TSHZ2: variants seen among roughly 807,000 people sequenced by gnomAD.
The protein encoded by TSHZ2 is teashirt zinc finger homeobox 2.
Under a neutral mutation model 74.4 loss-of-function variants are expected in TSHZ2, and 21 were observed. That is an observed-to-expected ratio of 0.28 (90% confidence interval 0.20 to 0.41). The LOEUF is 0.41. TSHZ2 is among the 10% of genes least tolerant of loss of function. TSHZ2 has a pLI of 1.00. For synonymous variants in TSHZ2, 540 were observed against 515.3 expected, an observed-to-expected ratio of 1.05 and a Z score of -0.65; for missense variants, 1,244 against 1,293.5, an observed-to-expected ratio of 0.96 and a Z score of 0.59.
At chr20:53,178,902 C>A (rs915079102) in intron 1 of TSHZ2, 6 of 152,192 alleles carry the variant, frequency 3.9e-5, no homozygotes, top group Non-Finnish European at 8.8e-5. Flanking sequence ...ATCACATGTA[C>A]TCTTTGAAGT....
chr20:53,350,926 T>C (rs1026054866), intron 2 of TSHZ2, among the ~76,000 whole-genome samples: 5 of 152,210 alleles, frequency 3.3e-5, no homozygotes, highest in Admixed American at 1.3e-4. Flanking sequence ...TCTTTTTCAT[T>C]AGAATAGTTC....
intron 1 of TSHZ2, among the ~76,000 whole-genome samples, chr20:53,238,222 T>C (rs527737938): frequency 4.5e-4 from 68 of 152,308 alleles, no homozygotes; most frequent in African/African-American, 1.5e-3. Context: ...ATTCAAAGTA[T>C]GTATTGAGCA....
At chr20:53,006,700 C>T (rs1166726565) in intron 1 of TSHZ2, among the ~76,000 whole-genome samples, 1 of 152,144 alleles carries the variant, frequency 6.6e-6, no homozygotes, top group South Asian at 2.1e-4. Context: ...ATGTAAACTG[C>T]CATTTTATAA....
intron 2 of TSHZ2, among the ~76,000 whole-genome samples, chr20:53,473,942 A>G (rs1302542271): frequency 1.3e-5 from 2 of 152,172 alleles, no homozygotes; most frequent in African/African-American, 2.4e-5. Flanking sequence ...TGAAGCGAGA[A>G]GAGAAGTTTA....
At chr20:53,201,738 C>G (rs942513871) in intron 1 of TSHZ2, among the ~76,000 whole-genome samples, 5 of 152,078 alleles carry the variant, frequency 3.3e-5, no homozygotes, top group African/African-American at 1.2e-4. Flanking sequence ...GATCCACACC[C>G]TTTTTTGCTG....
Position 53,488,331 on chromosome 20 carries a change from A to C in TSHZ2, c.*1196A>C, listed in dbSNP as rs1986349258. On this transcript the variant is annotated 3_prime_UTR_variant, in exon 3 of 3. Transcript: ENST00000371497. ...TTATGGATTTTTAACGGATGTCTTA[A>C]TTATACGTTATTATTAACGGGAATA... 1 of 152,206 alleles carries C rather than the reference A, an allele frequency of 6.6e-6. No individual in the cohort carries two copies. Among genetic ancestry groups the C allele is most frequent in the Non-Finnish European group, 1.5e-5 (1 of 68,018 alleles). The allele number at this position is 152,206 out of a possible 1,614,324, so 9.4% of individuals were successfully genotyped here. A position where few individuals can be genotyped will look rare whatever the true frequency, so the allele number is the denominator to read the frequency against.
At chr20:53,326,567 G>GA (rs1227837705) in intron 2 of TSHZ2, among the ~76,000 whole-genome samples, 2 of 152,140 alleles carry the variant, frequency 1.3e-5, no homozygotes, top group African/African-American at 4.8e-5. Flanking sequence ...AGCGCCTCTA[G>GA]AAAGCCCCCC....
At chr20:53,364,267 T>C (rs1981175823) in intron 2 of TSHZ2, among the ~76,000 whole-genome samples, 1 of 152,226 alleles carries the variant, frequency 6.6e-6, no homozygotes, top group South Asian at 2.1e-4. Flanking sequence ...GCAGGTATTC[T>C]CATTTTCCAG....
chr20:53,468,026 C>A (rs1985613669), intron 2 of TSHZ2, among the ~76,000 whole-genome samples: 1 of 152,048 alleles, frequency 6.6e-6, no homozygotes, highest in Non-Finnish European at 1.5e-5. Context: ...AAAAATAACA[C>A]CACTCCTTCC....
chr20:53,433,164 G>A (rs904118007), intron 2 of TSHZ2, among the ~76,000 whole-genome samples: 1 of 152,198 alleles, frequency 6.6e-6, no homozygotes, highest in African/African-American at 2.4e-5. Context: ...TTAGCTGCAA[G>A]ATGCTGTGAC....
rs191076114 is a variant in TSHZ2, at chr20:53,170,904, C to A, written c.41-82595C>A. Among the ~76,000 whole-genome samples the A allele has an allele frequency of 9.3e-5, 14 of 150,704 alleles. No homozygotes were observed. The East Asian group carries it at 2.3e-3, about 25-fold the overall frequency. ...AAATCCCCACACCTTTGATGGTGCTCCTCTCAAAAGGAAGGAAAGACAATA... is the reference window on the plus strand; with the variant it reads ...AAATCCCCACACCTTTGATGGTGCTACTCTCAAAAGGAAGGAAAGACAATA... On this transcript the variant is annotated intron_variant, in intron 1 of 2. Transcript: ENST00000371497.
chr20:53,299,443 C>A (rs970877191), intron 2 of TSHZ2, among the ~76,000 whole-genome samples: 2 of 152,134 alleles, frequency 1.3e-5, no homozygotes, highest in African/African-American at 4.8e-5. Flanking sequence ...CCTTGTTTTG[C>A]CCATTTATAA....
At chr20:53,057,607 T>C (rs555019006) in intron 1 of TSHZ2, among the ~76,000 whole-genome samples, 120 of 152,286 alleles carry the variant, frequency 7.9e-4, no homozygotes, top group African/African-American at 2.8e-3. Context: ...TTTGGTCATA[T>C]CCCCAAGGAT....
chr20:53,168,646 G>T (rs1007013439), intron 1 of TSHZ2: 5 of 152,176 alleles, frequency 3.3e-5, no homozygotes, highest in African/African-American at 1.2e-4. Flanking sequence ...ACATCTCAGT[G>T]GCCCAACACA....
Position 53,253,749 on chromosome 20 carries a change from T to C in TSHZ2, c.291T>C (p.Ser97=), listed in dbSNP as rs752083510. The stretch of plus-strand genomic sequence containing the variant: ...GTGATCAGGTGTCGGACATCAAGAG[T>C]GTCTGCGGCAGAGATGCCTCAGACA... ...DASDQVSDIK[S]VCGRDASDKK... The change falls in exon 2 of 3, where the codon AGT becomes AGC. Residue 97 remains serine, a synonymous_variant. Transcript: ENST00000371497. 1 of 1,613,968 alleles carries C rather than the reference T, an allele frequency of 6.2e-7. No homozygotes were observed. The highest frequency in any genetic ancestry group is 1.1e-5 in the South Asian group (1 of 91,072).
At chr20:53,468,380 C>T (rs994639392) in intron 2 of TSHZ2, among the ~76,000 whole-genome samples, 1 of 152,158 alleles carries the variant, frequency 6.6e-6, no homozygotes, top group Non-Finnish European at 1.5e-5. Context: ...AAAAGATTTT[C>T]TGCTGCCATT....
chr20:53,080,096 C>T (rs1482962879), intron 1 of TSHZ2, among the ~76,000 whole-genome samples: 1 of 152,120 alleles, frequency 6.6e-6, no homozygotes, highest in Non-Finnish European at 1.5e-5. Flanking sequence ...TAGAATGATT[C>T]GAATCTTAAA....
chr20:53,461,473 G>A (rs1778004011), intron 2 of TSHZ2: 1 of 153,036 alleles, frequency 6.5e-6, no homozygotes, highest in South Asian at 2.1e-4. Flanking sequence ...CAGTACCTCA[G>A]ATGGAAATGC....
At position 53,346,047 on chromosome 20, in the gene TSHZ2, G is replaced by A. The variant is rs143711473; in HGVS notation, c.*8+89476G>A. 2.3e-4 allele frequency among the ~76,000 whole-genome samples: 35 copies of A among 152,328 alleles called. 2 individuals are homozygous for A. In the East Asian group the frequency reaches 6.8e-3, roughly 29 times the overall value. ...TTGCAGAAAAAGTCAAGGCAGACTT[G>A]TGATTCTTGATGTTAATGAAGGTGT... On this transcript the variant is annotated intron_variant, in intron 2 of 2. Coordinates refer to ENST00000371497, the MANE Select transcript of TSHZ2 (RefSeq NM_173485.6).
Sources: allele counts gnomAD v4.1 joint callset (sites outside exome capture counted in the v4.1 genomes callset), GRCh38; gene constraint gnomAD v4.1.1; transcripts MANE v1.5; gene names NCBI Gene and HGNC (gene_info 2026-07-23, HGNC 2026-07-21).